TBC1D9: variants seen among roughly 807,000 people sequenced by gnomAD.
TBC1D9 encodes TBC1 domain family member 9.
A neutral mutation model predicts 132.0 loss-of-function variants in TBC1D9; 63 were observed. The observed-to-expected ratio is 0.48, with a 90% confidence interval of 0.39 to 0.59. The LOEUF (loss-of-function observed/expected upper bound fraction) is 0.59, where lower values mean the gene tolerates loss of function less well. TBC1D9 is among the 20% of genes least tolerant of loss of function. The pLI is 0.00. For missense variants in TBC1D9, 1,261 were observed against 1,592.7 expected (o/e 0.79, Z 3.54); for synonymous variants, 610 against 609.9 (o/e 1.00, Z 0.00).
chr4:140,718,009 G>A (rs986711122), intron 1 of TBC1D9, among the ~76,000 whole-genome samples: 1 of 152,070 alleles, frequency 6.6e-6, no homozygotes, highest in African/African-American at 2.4e-5. Context: ...AGAAAGCTCT[G>A]TATTAGAACA....
chr4:140,643,267 T>TCAG, intron 13 of TBC1D9: 1 of 1,298,756 alleles, frequency 7.7e-7, no homozygotes, highest in East Asian at 2.5e-5. Flanking sequence ...GCGATCTCGC[T>TCAG]CAGCAGGGTG....
At chr4:140,669,566 A>C (rs1266194685) in intron 8 of TBC1D9, 68 bp downstream of exon 8, 2 of 1,486,816 alleles carry the variant, frequency 1.3e-6, no homozygotes, top group East Asian at 2.4e-5. Context: ...ATTTACTTAC[A>C]GTAAAAAATA....
At position 140,752,193 on chromosome 4, in the gene TBC1D9, G is replaced by T. The variant is rs563164948; in HGVS notation, c.130+3723C>A. On this transcript the variant is annotated intron_variant, in intron 1 of 20. Coordinates refer to ENST00000442267, the MANE Select transcript of TBC1D9 (RefSeq NM_015130.3). The stretch of plus-strand genomic sequence containing the variant: ...GGCCACCAACAATACAGTTGATAAA[G>T]AGATGAATAAATTGTGGTATACTCA... 2.6e-5 allele frequency among the ~76,000 whole-genome samples: 4 copies of T among 152,228 alleles called. No individual in the cohort carries two copies. The South Asian group carries it at 8.3e-4, about 32-fold the overall frequency.
At chr4:140,690,827 C>T (rs1296300160) in intron 2 of TBC1D9, among the ~76,000 whole-genome samples, 2 of 152,026 alleles carry the variant, frequency 1.3e-5, no homozygotes, top group Non-Finnish European at 1.5e-5. Flanking sequence ...GAGCACTACT[C>T]GAGTCAGAAG....
chr4:140,671,674 C>CTGTGTGTGTGTGTGTGTGTGTGTG (rs34072180), intron 6 of TBC1D9, among the ~76,000 whole-genome samples: 40 of 141,828 alleles, frequency 2.8e-4, no homozygotes, highest in African/African-American at 9.9e-4. Context: ...AACTACCAGA[C>CTGTGTGTGTGTGTGTGTGTGTGTG]TGTGTGTGTG....
intron 1 of TBC1D9, among the ~76,000 whole-genome samples, chr4:140,741,264 A>G (rs1738753635): frequency 6.6e-6 from 1 of 152,216 alleles, no homozygotes; most frequent in Non-Finnish European, 1.5e-5. Flanking sequence ...GAAGTATTTT[A>G]CCCCAAAATA....
chr4:140,641,688 T>C lies in TBC1D9; in HGVS notation c.2338-2260A>G, dbSNP rs369343093. Among the ~76,000 whole-genome samples, 126 of 152,036 alleles carry C rather than the reference T, an allele frequency of 8.3e-4. 2 individuals carry two copies. The highest frequency in any genetic ancestry group is 2.9e-3 in the African/African-American group (121 of 41,452). On this transcript the variant is annotated intron_variant, in intron 13 of 20. Coordinates refer to ENST00000442267, the MANE Select transcript of TBC1D9 (RefSeq NM_015130.3). Reference sequence around the variant, plus strand: ...AAGGAAAGTGGAGAAAAATGCAGACTCAGAAGCAGTCCATATAACAGCTCA... The same window carrying C: ...AAGGAAAGTGGAGAAAAATGCAGACCCAGAAGCAGTCCATATAACAGCTCA...
In TBC1D9 at chr4:140,622,834, T is replaced by A; in HGVS notation, c.3162A>T (p.Ala1054=). 1 of 1,598,012 alleles carries A rather than the reference T, an allele frequency of 6.3e-7. No homozygotes were observed. The highest frequency in any genetic ancestry group is 8.5e-7 in the Non-Finnish European group (1 of 1,175,248). The change falls in exon 21 of 21, where the codon GCA becomes GCT. Residue 1054 remains alanine (A), a synonymous_variant. Coordinates refer to ENST00000442267, the MANE Select transcript of TBC1D9 (RefSeq NM_015130.3). ...TCTCCAGCAGGAGGCTGGTCACTGC[T>A]GCCGTGGCGTGGTACAGCTCCTGCT... is the stretch of plus-strand genomic sequence containing the variant. ...PNEQELYHAT[A]AVTSLLLEIG...
chr4:140,622,329 C>T lies in TBC1D9; in HGVS notation c.3667G>A (p.Glu1223Lys). 1 of 1,613,834 alleles carries T rather than the reference C, an allele frequency of 6.2e-7. No individual in the cohort carries two copies. Among genetic ancestry groups the T allele is most frequent in the Non-Finnish European group, 8.5e-7 (1 of 1,179,732 alleles). The change falls in exon 21 of 21, where the codon GAG becomes AAG. Residue 1223 changes from glutamate to lysine, a missense_variant. Around this residue, in one of 3 missense-constraint regions of TBC1D9, gnomAD observed 618 missense variants for 724.4 expected, o/e 0.85. Coordinates refer to ENST00000442267, the MANE Select transcript of TBC1D9 (RefSeq NM_015130.3). ...TCAAAGTACTTGACCAGGGCAGGCT[C>T]AGTTAAGAGGGAGGCCAGGAACTGC... ...FEQFLASLLTEPALVKYFDKP... is the reference protein window; with the variant it reads ...FEQFLASLLTKPALVKYFDKP...
chr4:140,686,015 T>C (rs1276310552), intron 3 of TBC1D9, among the ~76,000 whole-genome samples: 1 of 152,190 alleles, frequency 6.6e-6, no homozygotes, highest in Non-Finnish European at 1.5e-5. Flanking sequence ...AAATAATAAA[T>C]ACTCCATATG....
intron 13 of TBC1D9, chr4:140,642,969 A>G: frequency 1.5e-6 from 1 of 659,990 alleles, no homozygotes. Context: ...CTGGTGCTGG[A>G]CCTCGGCCCG....
At position 140,669,046 on chromosome 4, in the gene TBC1D9, G is replaced by T. The variant is rs759927679; in HGVS notation, c.1459C>A (p.Gln487Lys). ...PKLAKEFLKE[Q>K]AWKIHFAEYG... ...TCAGCAAAGTGAATCTTCCAGGCTT[G>T]CTCTTTCAGAAACTCTTTGGCCTGA... Residue 487 changes from glutamine (Q) to lysine (K), a missense_variant, in exon 9 of 21, where the codon CAA becomes AAA. Around this residue, in one of 3 missense-constraint regions of TBC1D9, gnomAD observed 550 missense variants for 699.0 expected, o/e 0.79. Coordinates refer to ENST00000442267, the MANE Select transcript of TBC1D9 (RefSeq NM_015130.3). The T allele has an allele frequency of 6.2e-6, 10 of 1,613,882 alleles. No individual in the cohort carries two copies. Among genetic ancestry groups the T allele is most frequent in the Non-Finnish European group, 8.5e-6 (10 of 1,179,890 alleles).
At chr4:140,643,469 G>T in intron 13 of TBC1D9, 1 of 893,456 alleles carries the variant, frequency 1.1e-6, no homozygotes. Flanking sequence ...CCAGGTAGCA[G>T]GTGCTGCCGG....
intron 1 of TBC1D9, among the ~76,000 whole-genome samples, chr4:140,716,551 T>C (rs1194314340): frequency 6.6e-6 from 1 of 151,984 alleles, no homozygotes; most frequent in Admixed American, 6.6e-5. Context: ...ATAACAAAAG[T>C]AGTGTACTAG....
intron 13 of TBC1D9, chr4:140,642,580 C>G (rs1737021158): frequency 1.1e-6 from 1 of 950,416 alleles, no homozygotes; most frequent in African/African-American, 1.6e-5. Flanking sequence ...CCAACTGCTC[C>G]TGGTCGCTGT....
At chr4:140,719,975 T>TA (rs1398085339) in intron 1 of TBC1D9, among the ~76,000 whole-genome samples, 3 of 152,156 alleles carry the variant, frequency 2.0e-5, no homozygotes, top group Non-Finnish European at 4.4e-5. Context: ...ATATAACTGA[T>TA]AAAAACCACA....
At chr4:140,745,782 T>C (rs1244319406) in intron 1 of TBC1D9, among the ~76,000 whole-genome samples, 1 of 152,154 alleles carries the variant, frequency 6.6e-6, no homozygotes, top group African/African-American at 2.4e-5. Flanking sequence ...CCTAACCCCC[T>C]GTGTATTTAT....
At chr4:140,643,352 A>G (rs1737041556) in intron 13 of TBC1D9, 24 of 1,328,892 alleles carry the variant, frequency 1.8e-5, no homozygotes, top group Non-Finnish European at 2.4e-5. Context: ...GGACTCCAGT[A>G]GCACCTGGGG....
intron 3 of TBC1D9, among the ~76,000 whole-genome samples, chr4:140,680,641 G>A (rs1395942111): frequency 6.6e-6 from 1 of 152,086 alleles, no homozygotes; most frequent in Non-Finnish European, 1.5e-5. Context: ...AGGTAGAACT[G>A]AAAATGCATG....
Sources: gnomAD v4.1 joint callset for allele counts (sites outside exome capture counted in the v4.1 genomes callset) on GRCh38, gnomAD v4.1.1 for gene constraint, gnomAD v4.1.1 regional missense constraint, MANE v1.5 for transcripts, NCBI Gene and HGNC (gene_info 2026-07-23, HGNC 2026-07-21) for gene names.